ACTR8: variants seen among roughly 807,000 people sequenced by gnomAD.
ACTR8 encodes the protein actin related protein 8, also known as actin-related protein 8.
ACTR8 carries 70 observed loss-of-function variants against 84.3 expected under a neutral mutation model. That is an observed-to-expected ratio of 0.83 (90% CI 0.68 to 1.01). The LOEUF (loss-of-function observed/expected upper bound fraction) is 1.01, where lower values mean the gene tolerates loss of function less well. Among genes scored for constraint, ACTR8 ranks in the 50% least tolerant of loss-of-function variants. The pLI is 0.00. For missense variants in ACTR8, 672 were observed against 775.4 expected (o/e 0.87, Z 1.58); for synonymous variants, 268 against 275.2 (o/e 0.97, Z 0.26).
In ACTR8 at chr3:53,868,134, G is replaced by A. The variant is rs2107044584; in HGVS notation, c.*585C>T. ...GCCCAGCCTTCCATCTTTACCTTTGGAAATCGAGACCTGAATGGGTCCCAT... is the reference window on the plus strand; with the variant it reads ...GCCCAGCCTTCCATCTTTACCTTTGAAAATCGAGACCTGAATGGGTCCCAT... On this transcript the variant is annotated 3_prime_UTR_variant, in exon 13 of 13. Transcript: ENST00000335754. 6.6e-6 allele frequency: 1 copy of A among 151,744 alleles called. No individual in the cohort carries two copies. The highest frequency in any genetic ancestry group is 1.9e-4 in the East Asian group (1 of 5,166). The allele number at this position is 151,744 out of a possible 1,614,324, so 9.4% of individuals were successfully genotyped here. A position where few individuals can be genotyped will look rare whatever the true frequency, so the allele number is the denominator to read the frequency against.
In ACTR8 at chr3:53,876,010, G is replaced by A. The variant is rs375835593; in HGVS notation, c.849C>T (p.Asp283=). 2.4e-5 allele frequency: 39 copies of A among 1,613,926 alleles called. No homozygotes were observed. In the South Asian group the frequency reaches 2.5e-4, roughly 10 times the overall value. Residue 283 remains aspartate, a synonymous_variant, in exon 7 of 13, where the codon GAC becomes GAT. Coordinates refer to ENST00000335754, the MANE Select transcript of ACTR8 (RefSeq NM_022899.5). ...ATACACTTGTCTTCTGGTCCCCAAC[G>A]TCTACAATACACGTGCTGCTTAAGC... ...GSGLSSTCIV[D]VGDQKTSVCC...
chr3:53,859,872 G>C, the ACTR8 span: 1 of 339,746 alleles, frequency 2.9e-6, no homozygotes, highest in Non-Finnish European at 5.5e-6. Flanking sequence ...AAGTGGCTGG[G>C]CGCGGTGACA....
the ACTR8 span, chr3:53,860,290 AAAG>A: frequency 1.5e-6 from 2 of 1,341,938 alleles, no homozygotes; most frequent in Middle Eastern, 2.4e-4. Flanking sequence ...ATTTTTTTTT[AAAG>A]AAGATTCCTC....
chr3:53,864,737 C>T (rs1325077751), downstream of ACTR8: 2 of 1,585,808 alleles, frequency 1.3e-6, no homozygotes, highest in African/African-American at 2.7e-5. Context: ...TGCTTTTCTC[C>T]TCTCACAGAA....
At chr3:53,865,201 C>T (rs772985238), downstream of ACTR8, 1 of 1,614,052 alleles carries the variant, frequency 6.2e-7, no homozygotes, top group South Asian at 1.1e-5. Context: ...CAAGTACCAC[C>T]TCATGAAGGA....
downstream of ACTR8, chr3:53,865,395 T>A: frequency 9.6e-7 from 1 of 1,042,398 alleles, no homozygotes; most frequent in African/African-American, 1.6e-5. Context: ...AAGCTTACTA[T>A]GCAGCCTACA....
At chr3:53,859,941 C>T in the ACTR8 span, 5 of 474,604 alleles carry the variant, frequency 1.1e-5, no homozygotes, top group Admixed American at 3.4e-5. Context: ...ACCCGGGAGA[C>T]GGAGGCTGCA....
chr3:53,877,756 A>G lies in ACTR8; in HGVS notation c.406-5T>C, dbSNP rs2276842. 84,879 of 1,612,420 alleles carry G rather than the reference A, an allele frequency of 0.053. 5,747 individuals carry two copies. The highest frequency in any genetic ancestry group is 0.27 in the Admixed American group (16,302 of 59,876). Reference sequence around the variant, plus strand: ...CTGCTTATTGTAGGAGCGTGCCTGAAAAGAAAAACCATCAGAAAATTATCT... The same window carrying G: ...CTGCTTATTGTAGGAGCGTGCCTGAGAAGAAAAACCATCAGAAAATTATCT... On this transcript the variant is annotated splice_polypyrimidine_tract_variant and splice_region_variant and intron_variant, in intron 3 of 12. Coordinates refer to ENST00000335754, the MANE Select transcript of ACTR8 (RefSeq NM_022899.5).
chr3:53,865,203 C>A, downstream of ACTR8: 1 of 1,614,074 alleles, frequency 6.2e-7, no homozygotes, highest in Non-Finnish European at 8.5e-7. Flanking sequence ...AGTACCACCT[C>A]ATGAAGGATG....
chr3:53,873,497 G>A (rs1699919480), intron 8 of ACTR8, among the ~76,000 whole-genome samples: 2 of 152,120 alleles, frequency 1.3e-5, no homozygotes, highest in African/African-American at 4.8e-5. Context: ...ACAAAAAAAG[G>A]ATACCAATCC....
intron 10 of ACTR8, 115 bp from the exon 11 acceptor site, chr3:53,871,611 T>A: frequency 8.4e-7 from 1 of 1,195,096 alleles, no homozygotes; most frequent in Non-Finnish European, 1.2e-6. Context: ...CACACAGCAA[T>A]ACAACAACTG....
At chr3:53,874,865 T>C (rs1699942709) in intron 7 of ACTR8, among the ~76,000 whole-genome samples, 1 of 152,124 alleles carries the variant, frequency 6.6e-6, no homozygotes. Flanking sequence ...CAAAAACCAG[T>C]GGGGAACACC....
rs1403261744 is a variant in ACTR8, at chr3:53,882,152, T to G, written c.-51A>C. ...CTCGCCTCAGCGCTGCAGCCACGAC[T>G]GCCGGGATGGAAGGGCCACCGCGCA... is the stretch of plus-strand genomic sequence containing the variant. On this transcript the variant is annotated 5_prime_UTR_variant, in exon 1 of 13. Transcript: ENST00000335754. The G allele has an allele frequency of 6.5e-7, 1 of 1,542,336 alleles. No individual in the cohort carries two copies. The highest frequency in any genetic ancestry group is 8.8e-7 in the Non-Finnish European group (1 of 1,140,822).
Position 53,880,107 on chromosome 3 carries a change from T to C in ACTR8, c.126A>G (p.Gln42=). 1 of 1,613,262 alleles carries C rather than the reference T, an allele frequency of 6.2e-7. No individual in the cohort carries two copies. Among genetic ancestry groups the C allele is most frequent in the East Asian group, 2.2e-5 (1 of 44,870 alleles). ...TGACAATGATGAAGTTGCTCTGGAT[T>C]TGCTGCAGATATAAAACATAGATGT... ...PALVPESLQE[Q]IQSNFIIVIH... The change falls in exon 2 of 13, where the codon CAA becomes CAG. Residue 42 remains glutamine, a splice_region_variant and synonymous_variant. Coordinates refer to ENST00000335754, the MANE Select transcript of ACTR8 (RefSeq NM_022899.5).
chr3:53,881,989 G>A lies in ACTR8; in HGVS notation c.113C>T (p.Ser38Leu), dbSNP rs750135774. 3 of 1,553,972 alleles carry A rather than the reference G, an allele frequency of 1.9e-6. No homozygotes were observed. The highest frequency in any genetic ancestry group is 2.6e-6 in the Non-Finnish European group (3 of 1,147,956). ...CAGCCAGAGCCGCACCTCTTGCAGCGACTCCGGCACCAGCGCGGGCACGAT... is the reference window on the plus strand; with the variant it reads ...CAGCCAGAGCCGCACCTCTTGCAGCAACTCCGGCACCAGCGCGGGCACGAT... Reference protein sequence around the residue: ...RPIVPALVPESLQEQIQSNFI... With the variant: ...RPIVPALVPELLQEQIQSNFI... The change falls in exon 1 of 13, where the codon TCG (serine) becomes TTG (leucine). Residue 38 changes from serine (S) to leucine (L), a missense_variant. Ser to Leu is a moderately radical substitution (Grantham distance 145). Coordinates refer to ENST00000335754, the MANE Select transcript of ACTR8 (RefSeq NM_022899.5).
chr3:53,879,405 A>G (rs1700026160), intron 2 of ACTR8, among the ~76,000 whole-genome samples: 2 of 152,222 alleles, frequency 1.3e-5, no homozygotes, highest in African/African-American at 2.4e-5. Context: ...TGTAATATAT[A>G]GATTTATCAT....
chr3:53,869,283 A>G (rs900907140), intron 12 of ACTR8, among the ~76,000 whole-genome samples: 2 of 152,240 alleles, frequency 1.3e-5, no homozygotes, highest in Non-Finnish European at 2.9e-5. Context: ...TCCGTCTCAA[A>G]AAAAGACAGT....
chr3:53,865,859 AC>A (rs1415342719), downstream of ACTR8: 2 of 152,354 alleles, frequency 1.3e-5, no homozygotes. Context: ...TTTGCATAAG[AC>A]CTTCCCTCTA....
intron 3 of ACTR8, 134 bp downstream of exon 3, chr3:53,878,223 T>G (rs992005571): frequency 4.3e-5 from 31 of 727,092 alleles, no homozygotes; most frequent in Non-Finnish European, 6.8e-5. Flanking sequence ...ATTCTTTAAG[T>G]GGTTATGAGG....
Sources: allele counts gnomAD v4.1 joint callset (sites outside exome capture counted in the v4.1 genomes callset), GRCh38; gene constraint gnomAD v4.1.1; transcripts MANE v1.5; gene names NCBI Gene and HGNC (gene_info 2026-07-23, HGNC 2026-07-21).